The following WNT6 variants were observed in gnomAD, a reference collection of about 807,000 sequenced individuals.
WNT6 encodes the protein protein Wnt-6.
A neutral mutation model predicts 33.1 loss-of-function variants in WNT6; 27 were observed. That is an observed-to-expected ratio of 0.82 (90% CI 0.60 to 1.12). The LOEUF (loss-of-function observed/expected upper bound fraction) is 1.12, where lower values mean the gene tolerates loss of function less well. Among genes scored for constraint, WNT6 ranks in the 50% most tolerant of loss-of-function variants. The pLI, the probability that WNT6 is intolerant of heterozygous loss-of-function variation, is 0.00. For missense variants in WNT6, 494 were observed against 535.3 expected, an observed-to-expected ratio of 0.92 and a Z score of 0.76; for synonymous variants, 249 against 242.8, an observed-to-expected ratio of 1.03 and a Z score of -0.24.
At chr2:218,872,587 G>T (rs1944412621) in intron 3 of WNT6, among the ~76,000 whole-genome samples, 1 of 152,146 alleles carries the variant, frequency 6.6e-6, no homozygotes, top group African/African-American at 2.4e-5. Context: ...AGACTCAGGA[G>T]GTGGGAGTGG....
At chr2:218,872,760 G>GC (rs1944414351) in intron 3 of WNT6, among the ~76,000 whole-genome samples, 1 of 152,152 alleles carries the variant, frequency 6.6e-6, no homozygotes, top group Admixed American at 6.5e-5. Context: ...TGCATTCCCA[G>GC]CGGGCCCTCC....
intron 1 of WNT6, among the ~76,000 whole-genome samples, chr2:218,863,436 G>T (rs1476161023): frequency 6.6e-6 from 1 of 152,232 alleles, no homozygotes; most frequent in African/African-American, 2.4e-5. Flanking sequence ...TCTTGGTCAG[G>T]AAAGAGGCTC....
intron 1 of WNT6, among the ~76,000 whole-genome samples, chr2:218,860,927 C>T (rs893589260): frequency 4.6e-5 from 7 of 151,918 alleles, no homozygotes; most frequent in African/African-American, 1.2e-4. Context: ...GGTGCCCGAC[C>T]GGGACGGCTC....
At chr2:218,860,189 G>A in intron 1 of WNT6, 72 bp downstream of exon 1, 3 of 1,328,856 alleles carry the variant, frequency 2.3e-6, no homozygotes, top group Non-Finnish European at 2.9e-6. Context: ...ACAGACTGGG[G>A]TGTTCCGCAG....
Position 218,871,581 on chromosome 2 carries a change from G to T in WNT6, c.398G>T (p.Gly133Val), listed in dbSNP as rs997212826. The T allele has an allele frequency of 6.5e-7, 1 of 1,538,082 alleles. No homozygotes were observed. ...TCTATGGGCGAGCTGCTGCAGTGCG[G>T]CTGCCAGGCGCCCCGCGGGCGGGCC... The part of the protein sequence containing the change: ...ACSMGELLQC[G>V]CQAPRGRAPP... Residue 133 changes from glycine to valine, a missense_variant, in exon 3 of 4, where the codon GGC becomes GTC. Transcript: ENST00000233948. This position sits in a 1 kb window ranked among gnomAD's most constrained non-coding sequence, Gnocchi z 6.4.
Position 218,873,919 on chromosome 2 carries a change from G to A in WNT6, c.*74G>A. The A allele has an allele frequency of 1.5e-6, 2 of 1,358,884 alleles. No individual in the cohort carries two copies. Among genetic ancestry groups the A allele is most frequent in the South Asian group, 3.3e-5 (2 of 61,446 alleles). The allele number at this position is 1,358,884 out of a possible 1,614,324, so 84.2% of individuals were successfully genotyped here. ...TGTGGGACCTCAGGGCACCGGCACCGGGCGCCTCTCGCCGCTCGAGCCCAG... is the reference window on the plus strand; with the variant it reads ...TGTGGGACCTCAGGGCACCGGCACCAGGCGCCTCTCGCCGCTCGAGCCCAG... On this transcript the variant is annotated 3_prime_UTR_variant, in exon 4 of 4. Coordinates refer to ENST00000233948, the MANE Select transcript of WNT6 (RefSeq NM_006522.4). This position sits in a 1 kb window ranked among gnomAD's most constrained non-coding sequence, Gnocchi z 6.1.
At chr2:218,863,286 T>A (rs1472765988) in intron 1 of WNT6, among the ~76,000 whole-genome samples, 1 of 152,140 alleles carries the variant, frequency 6.6e-6, no homozygotes, top group African/African-American at 2.4e-5. Flanking sequence ...TCCCTACTTG[T>A]CAGAGAATCC....
At chr2:218,865,658 A>G (rs1196414254) in intron 1 of WNT6, among the ~76,000 whole-genome samples, 1 of 151,992 alleles carries the variant, frequency 6.6e-6, no homozygotes, top group Non-Finnish European at 1.5e-5. Context: ...GGATCAGGAA[A>G]GGGGCACAGG....
Position 218,873,865 on chromosome 2 carries a change from A to C in WNT6, c.*20A>C. 7.0e-7 allele frequency: 1 copy of C among 1,437,318 alleles called. No individual in the cohort carries two copies. Among genetic ancestry groups the C allele is most frequent in the Non-Finnish European group, 9.1e-7 (1 of 1,100,540 alleles). The allele number at this position is 1,437,318 out of a possible 1,614,324, so 89.0% of individuals were successfully genotyped here. A position where few individuals can be genotyped will look rare whatever the true frequency, so the allele number is the denominator to read the frequency against. On this transcript the variant is annotated 3_prime_UTR_variant, in exon 4 of 4. Transcript: ENST00000233948. The surrounding 1 kb of genome is among the most constrained non-coding windows in gnomAD (Gnocchi z 6.1). The stretch of plus-strand genomic sequence containing the variant: ...CTGTGACCCGCCGCCCGGCCGCTAG[A>C]CTGACTTCGCGCAGCGGTGGCTCGC...
chr2:218,869,213 TGTGTGC>T lies in WNT6; in HGVS notation c.81-1810_81-1805del, dbSNP rs538969160. 1.1e-4 allele frequency among the ~76,000 whole-genome samples: 13 copies of T among 114,812 alleles called. No individual in the cohort carries two copies. In the East Asian group the frequency reaches 2.9e-3, roughly 25 times the overall value. The allele number at this position is 114,812 out of a possible 152,430, so 75.3% of individuals were successfully genotyped here. On this transcript the variant is annotated intron_variant, in intron 1 of 3. Coordinates refer to ENST00000233948, the MANE Select transcript of WNT6 (RefSeq NM_006522.4). ...ATGACGGCAGCAACTTGATTTTGTG[TGTGTGC>T]GTGCGCATGCGTGCACGCATGAGAA... is the stretch of plus-strand genomic sequence containing the variant.
chr2:218,863,368 C>T (rs995966094), intron 1 of WNT6, among the ~76,000 whole-genome samples: 7 of 152,218 alleles, frequency 4.6e-5, no homozygotes, highest in African/African-American at 7.2e-5. Flanking sequence ...CTCTGACATT[C>T]TAGCAGCAGC....
chr2:218,873,628 G>C lies in WNT6; in HGVS notation c.881G>C (p.Cys294Ser). The C allele has an allele frequency of 6.3e-7, 1 of 1,578,894 alleles. No individual in the cohort carries two copies. Residue 294 changes from cysteine to serine, a missense_variant, in exon 4 of 4, where the codon TGC becomes TCC. Physicochemically the swap from Cys to Ser is moderately radical, Grantham distance 112. Transcript: ENST00000233948. The surrounding 1 kb of genome is among the most constrained non-coding windows in gnomAD (Gnocchi z 6.1). The part of the protein sequence containing the change: ...LLYAADSPDF[C>S]APNRRTGSPG... ...TACGCCGCCGATTCGCCCGACTTCT[G>C]CGCCCCCAACCGACGCACCGGCTCC... is the stretch of plus-strand genomic sequence containing the variant.
Position 218,871,901 on chromosome 2 carries a change from A to C in WNT6, c.636+82A>C. On this transcript the variant is annotated intron_variant, in intron 3 of 3. Transcript: ENST00000233948. This position sits in a 1 kb window ranked among gnomAD's most constrained non-coding sequence, Gnocchi z 6.4. ...GTGTGCTTGAGGAAGTGTTGGCAGG[A>C]GTGAGGGTGTGTAGGTGGAGGGGGG... 2 of 1,045,900 alleles carry C rather than the reference A, an allele frequency of 1.9e-6. No homozygotes were observed. Among genetic ancestry groups the C allele is most frequent in the South Asian group, 1.9e-5 (1 of 51,292 alleles). The allele number at this position is 1,045,900 out of a possible 1,614,324, so 64.8% of individuals were successfully genotyped here. A position where few individuals can be genotyped will look rare whatever the true frequency, so the allele number is the denominator to read the frequency against.
At chr2:218,868,799 A>T (rs1273723885) in intron 1 of WNT6, among the ~76,000 whole-genome samples, 1 of 152,160 alleles carries the variant, frequency 6.6e-6, no homozygotes, top group Non-Finnish European at 1.5e-5. Flanking sequence ...TGTAATGAAA[A>T]TTGGGGTTGG....
rs1296143142 is a variant in WNT6 at position 218,871,993 on chromosome 2, G to A, written c.636+174G>A. Among the ~76,000 whole-genome samples, 3 of 152,038 alleles carry A rather than the reference G, an allele frequency of 2.0e-5. No individual in the cohort carries two copies. ...TGCAAGCATGGATGGACATGTGGGA[G>A]GAGAGGTGTCCAGCCTCCAAGAAGG... is the stretch of plus-strand genomic sequence containing the variant. On this transcript the variant is annotated intron_variant, in intron 3 of 3. Coordinates refer to ENST00000233948, the MANE Select transcript of WNT6 (RefSeq NM_006522.4). The surrounding 1 kb of genome is among the most constrained non-coding windows in gnomAD (Gnocchi z 6.4).
At chr2:218,861,969 A>G (rs1944313545) in intron 1 of WNT6, among the ~76,000 whole-genome samples, 1 of 152,138 alleles carries the variant, frequency 6.6e-6, no homozygotes, top group Non-Finnish European at 1.5e-5. Flanking sequence ...TTGGTGCTGG[A>G]GATGGGCTTG....
chr2:218,873,846 C>A lies in WNT6; in HGVS notation c.*1C>A, dbSNP rs898757829. ...CAAGGAGCTCAGCCTCTGCCTGTGA[C>A]CCGCCGCCCGGCCGCTAGACTGACT... On this transcript the variant is annotated 3_prime_UTR_variant, in exon 4 of 4. Coordinates refer to ENST00000233948, the MANE Select transcript of WNT6 (RefSeq NM_006522.4). The surrounding 1 kb of genome is among the most constrained non-coding windows in gnomAD (Gnocchi z 6.1). 2 of 1,475,986 alleles carry A rather than the reference C, an allele frequency of 1.4e-6. No individual in the cohort carries two copies. Among genetic ancestry groups the A allele is most frequent in the African/African-American group, 2.9e-5 (2 of 68,468 alleles). 91.4% of individuals were successfully genotyped at this position (1,475,986 alleles called of 1,614,324 possible).
At chr2:218,870,981 C>G (rs1559408710) in intron 1 of WNT6, 46 bp from the exon 2 acceptor site, 1 of 1,524,178 alleles carries the variant, frequency 6.6e-7, no homozygotes, top group Non-Finnish European at 8.9e-7. Context: ...CCACCCCAAG[C>G]CCTTTTTTGG....
At chr2:218,872,823 G>C (rs1030343147) in intron 3 of WNT6, among the ~76,000 whole-genome samples, 1 of 152,068 alleles carries the variant, frequency 6.6e-6, no homozygotes, top group Non-Finnish European at 1.5e-5. Flanking sequence ...CATACATACC[G>C]TGTCCTCTAG....
Sources: allele counts gnomAD v4.1 joint callset (sites outside exome capture counted in the v4.1 genomes callset), GRCh38; gene constraint gnomAD v4.1.1; non-coding constraint Gnocchi (gnomAD v3.1); transcripts MANE v1.5; gene names NCBI Gene and HGNC (gene_info 2026-07-23, HGNC 2026-07-21).